The following TENT5D variants were observed in gnomAD, a reference collection of about 807,000 sequenced individuals.
The protein encoded by TENT5D is terminal nucleotidyltransferase 5D, also known as cancer/testis antigen 112.
For missense variants in TENT5D, 191 were observed against 287.0 expected, an observed-to-expected ratio of 0.67 and a Z score of 2.42; for synonymous variants, 103 against 100.6, an observed-to-expected ratio of 1.02 and a Z score of -0.15.
At chrX:80,377,364 T>G (rs1930751412) in intron 3 of TENT5D, among the ~76,000 whole-genome samples, 1 of 111,203 alleles carries the variant, frequency 9.0e-6, no homozygotes, top group Non-Finnish European at 1.9e-5. Flanking sequence ...TAGGTATTTC[T>G]CCTAATACTA....
chrX:80,375,050 C>G (rs1488983967), intron 3 of TENT5D, among the ~76,000 whole-genome samples: 1 of 110,976 alleles, frequency 9.0e-6, no homozygotes, highest in African/African-American at 3.3e-5. Flanking sequence ...TTTTCATTTC[C>G]TCCCACATGC....
At chrX:80,388,814 T>C (rs1271134904) in intron 3 of TENT5D, among the ~76,000 whole-genome samples, 1 of 111,484 alleles carries the variant, frequency 9.0e-6, no homozygotes, top group East Asian at 2.8e-4. Flanking sequence ...GGGACCTGCC[T>C]AGGATTTGCA....
At chrX:80,434,079 G>A (rs1932136416) in intron 1 of TENT5D, among the ~76,000 whole-genome samples, 1 of 108,562 alleles carries the variant, frequency 9.2e-6, no homozygotes, top group South Asian at 4.1e-4. Context: ...GGAGGTCACA[G>A]TGAGCCAAGA....
intron 1 of TENT5D, among the ~76,000 whole-genome samples, chrX:80,435,538 A>G (rs1932167729): frequency 8.9e-6 from 1 of 112,527 alleles, no homozygotes; most frequent in Non-Finnish European, 1.9e-5. Context: ...TAATGTACTA[A>G]TACAGAAGTC....
intron 3 of TENT5D, among the ~76,000 whole-genome samples, chrX:80,352,732 A>C (rs1930208641): frequency 9.4e-6 from 1 of 106,931 alleles, no homozygotes; most frequent in Non-Finnish European, 1.9e-5. Context: ...AAAAAAAAAA[A>C]AAAAAAAAAA....
At chrX:80,350,629 G>C (rs1007758573) in intron 3 of TENT5D, among the ~76,000 whole-genome samples, 1 of 110,780 alleles carries the variant, frequency 9.0e-6, no homozygotes, top group African/African-American at 3.3e-5. Context: ...CTTTTAATTG[G>C]GTCATTTAGT....
chrX:80,358,449 A>G (rs190220454), intron 3 of TENT5D, among the ~76,000 whole-genome samples: 49 of 112,542 alleles, frequency 4.4e-4, no homozygotes, highest in Middle Eastern at 4.6e-3. Context: ...AAAATGGAAT[A>G]AAAAGGAACT....
chrX:80,345,982 A>G (rs1400286882), intron 3 of TENT5D, among the ~76,000 whole-genome samples: 1 of 111,846 alleles, frequency 8.9e-6, no homozygotes. Context: ...AGTAACTCCT[A>G]CATTTTTCAT....
At chrX:80,396,851 C>T (rs866134970) in intron 3 of TENT5D, among the ~76,000 whole-genome samples, 4 of 23,205 alleles carry the variant, frequency 1.7e-4, no homozygotes, top group African/African-American at 3.6e-4. Context: ...TAGGGGCGGC[C>T]GGGCAGAGGC....
chrX:80,442,306 G>A (rs1480948182), intron 2 of TENT5D, among the ~76,000 whole-genome samples: 1 of 111,614 alleles, frequency 9.0e-6, no homozygotes, highest in Non-Finnish European at 1.9e-5. Flanking sequence ...TGAGAAATCT[G>A]TTTGCATTCA....
At chrX:80,389,057 A>G (rs1931077973) in intron 3 of TENT5D, among the ~76,000 whole-genome samples, 2 of 110,926 alleles carry the variant, frequency 1.8e-5, no homozygotes, top group Admixed American at 9.6e-5. Flanking sequence ...CAATTGGTGC[A>G]TTCTCATTCT....
intron 3 of TENT5D, among the ~76,000 whole-genome samples, chrX:80,382,823 G>C (rs1930901219): frequency 8.9e-6 from 1 of 112,331 alleles, no homozygotes; most frequent in Admixed American, 9.4e-5. Flanking sequence ...TAATTTCCTG[G>C]TGTGCCATTT....
chrX:80,340,713 C>T (rs745349125), intron 2 of TENT5D, among the ~76,000 whole-genome samples: 1 of 111,663 alleles, frequency 9.0e-6, no homozygotes, highest in East Asian at 2.8e-4. Context: ...TAGTGTAATA[C>T]TTAGCAGCAT....
At chrX:80,433,168 G>T (rs187613187) in intron 1 of TENT5D, among the ~76,000 whole-genome samples, 181 of 112,312 alleles carry the variant, frequency 1.6e-3, no homozygotes, top group African/African-American at 5.4e-3. Context: ...AAGCCTGCTG[G>T]TTATACAAAG....
intron 3 of TENT5D, among the ~76,000 whole-genome samples, chrX:80,347,812 C>T (rs1195901992): frequency 8.9e-6 from 1 of 112,173 alleles, no homozygotes; most frequent in African/African-American, 3.2e-5. Flanking sequence ...TCAGGTTTTA[C>T]ATTTAAGTCT....
intron 3 of TENT5D, among the ~76,000 whole-genome samples, chrX:80,383,423 A>G (rs1267855908): frequency 8.9e-6 from 1 of 112,144 alleles, no homozygotes; most frequent in Non-Finnish European, 1.9e-5. Flanking sequence ...TCTTCTAGAA[A>G]AGAAGACACA....
At chrX:80,358,908 A>G (rs905926632) in intron 3 of TENT5D, among the ~76,000 whole-genome samples, 1 of 112,204 alleles carries the variant, frequency 8.9e-6, no homozygotes, top group African/African-American at 3.2e-5. Context: ...ATAAGACTTA[A>G]AAGATTTGGA....
At chrX:80,375,802 T>A (rs1311858561) in intron 3 of TENT5D, among the ~76,000 whole-genome samples, 1 of 111,757 alleles carries the variant, frequency 8.9e-6, no homozygotes, top group Non-Finnish European at 1.9e-5. Context: ...AACTCAAGTA[T>A]CTAGCCTACA....
At chrX:80,409,291 A>G (rs1456096186) in intron 3 of TENT5D, among the ~76,000 whole-genome samples, 1 of 110,624 alleles carries the variant, frequency 9.0e-6, no homozygotes, top group Admixed American at 9.6e-5. Context: ...TTCAATTAGG[A>G]AAAGAGGAAG....
Sources: allele counts gnomAD v4.1 joint callset (sites outside exome capture counted in the v4.1 genomes callset), GRCh38; gene constraint gnomAD v4.1.1; transcripts MANE v1.5; gene names NCBI Gene and HGNC (gene_info 2026-07-23, HGNC 2026-07-21).